The following HHLA1 variants were observed in gnomAD, a reference collection of about 807,000 sequenced individuals.
HHLA1 encodes HHLA1 neighbor of OC90.
HHLA1 carries 72 observed loss-of-function variants against 69.9 expected under a neutral mutation model. The ratio of observed to expected loss-of-function variants is 1.03; its 90% CI spans 0.85 to 1.25. HHLA1 has a LOEUF of 1.25. Among genes scored for constraint, HHLA1 ranks in the 50% most tolerant of loss-of-function variants. The pLI is 0.00. For missense variants in HHLA1, 685 were observed against 642.2 expected, an observed-to-expected ratio of 1.07 and a Z score of -0.72; for synonymous variants, 252 against 233.2, an observed-to-expected ratio of 1.08 and a Z score of -0.73.
At position 132,095,724 on chromosome 8, in the gene HHLA1, A is replaced by C. The variant is rs1462471197; in HGVS notation, c.343T>G (p.Phe115Val). ...TCACTGTTGTAAACAGCTACAGAAA[A>C]CTTGTGGAAGGCGAAGGAACTGTAG... ...TSYSSFAFHKFSVAVYNISNL... is the reference protein window; with the variant it reads ...TSYSSFAFHKVSVAVYNISNL... Residue 115 changes from phenylalanine (F) to valine (V), a missense_variant, in exon 6 of 17, where the codon TTT (phenylalanine) becomes GTT (valine). Transcript: ENST00000414222. 2.6e-6 allele frequency: 4 copies of C among 1,551,290 alleles called. No homozygotes were observed. Among genetic ancestry groups the C allele is most frequent in the Non-Finnish European group, 3.5e-6 (4 of 1,146,838 alleles).
rs1823363932 is a variant in HHLA1, at chr8:132,062,132, T to C, written c.*1863A>G. The C allele has an allele frequency of 6.6e-6, 1 of 152,180 alleles. No individual in the cohort carries two copies. The allele number at this position is 152,180 out of a possible 1,614,324, so 9.4% of individuals were successfully genotyped here. A position where few individuals can be genotyped will look rare whatever the true frequency, so the allele number is the denominator to read the frequency against. The stretch of plus-strand genomic sequence containing the variant: ...CCACGCAAGGGTTGAATCAAATTAA[T>C]CCATGCTTAATGAGTTTGCTTGGTT... On this transcript the variant is annotated 3_prime_UTR_variant, in exon 17 of 17. Transcript: ENST00000414222.
chr8:132,104,084 A>T, intron 3 of HHLA1, 24 bp downstream of exon 3: 2 of 1,533,744 alleles, frequency 1.3e-6, no homozygotes. Context: ...GTGAGCTGAA[A>T]AGGAGCCCTT....
rs549825140 is a variant in HHLA1, at chr8:132,073,803, C to T, written c.1315+2252G>A. 2.0e-5 allele frequency among the ~76,000 whole-genome samples: 3 copies of T among 152,278 alleles called. No individual in the cohort carries two copies. The East Asian group carries it at 5.8e-4, about 29-fold the overall frequency. ...GCATGATTTTTGGTTCCCTCCTGTG[C>T]TCACTCCATCATCACCGCATCCTCT... On this transcript the variant is annotated intron_variant, in intron 14 of 16. Coordinates refer to ENST00000414222, the MANE Select transcript of HHLA1 (RefSeq NM_001145095.3).
chr8:132,065,998 T>C, intron 15 of HHLA1, 30 bp from the exon 16 acceptor site: 2 of 1,048,988 alleles, frequency 1.9e-6, no homozygotes, highest in Non-Finnish European at 2.6e-6. Context: ...CAGGGAGCAA[T>C]AACTATCCTG....
Position 132,062,899 on chromosome 8 carries a change from TTCGTGCCATGACA to T in HHLA1, c.*1083_*1095del, listed in dbSNP as rs1047135855. The T allele has an allele frequency of 6.6e-6, 1 of 152,226 alleles. No individual in the cohort carries two copies. The highest frequency in any genetic ancestry group is 3.2e-3 in the Middle Eastern group (1 of 316). 9.4% of individuals were successfully genotyped at this position (152,226 alleles called of 1,614,324 possible). A position where few individuals can be genotyped will look rare whatever the true frequency, so the allele number is the denominator to read the frequency against. ...GATGAGTGTCTCTTGTACCTGGGGC[TTCGTGCCATGACA>T]GATAGTTTATGTTAACAATGTGATT... On this transcript the variant is annotated 3_prime_UTR_variant, in exon 17 of 17. Coordinates refer to ENST00000414222, the MANE Select transcript of HHLA1 (RefSeq NM_001145095.3).
rs768865368 is a variant in HHLA1 at position 132,076,019 on chromosome 8, C to T, written c.1315+36G>A. Reference sequence around the variant, plus strand: ...ACTACATGACCTTGTTCAAAATAAACACAAGCAATAGTAATGACTGGGCAC... The same window carrying T: ...ACTACATGACCTTGTTCAAAATAAATACAAGCAATAGTAATGACTGGGCAC... On this transcript the variant is annotated intron_variant, in intron 14 of 16. Transcript: ENST00000414222. The T allele has an allele frequency of 2.8e-6, 4 of 1,442,784 alleles. No homozygotes were observed. In the South Asian group the frequency reaches 4.9e-5, roughly 18 times the overall value. 89.4% of individuals were successfully genotyped at this position (1,442,784 alleles called of 1,614,324 possible).
At chr8:132,064,065 A>G in intron 16 of HHLA1, 27 bp from the exon 17 acceptor site, 3 of 1,234,380 alleles carry the variant, frequency 2.4e-6, no homozygotes, top group Non-Finnish European at 3.2e-6. Flanking sequence ...AGAAGAAGGA[A>G]CTCAAGGTAC....
At position 132,099,034 on chromosome 8, in the gene HHLA1, C is replaced by G. The variant is rs1586734630; in HGVS notation, c.200-72G>C. On this transcript the variant is annotated intron_variant, in intron 4 of 16. Transcript: ENST00000414222. ...AGAGAAAAAGTTTCTCATTTCCAAA[C>G]TTCAGGCAGATATTCAACTTCTTTG... 4 of 1,161,384 alleles carry G rather than the reference C, an allele frequency of 3.4e-6. No homozygotes were observed. In the East Asian group the frequency reaches 1.0e-4, roughly 30 times the overall value. 71.9% of individuals were successfully genotyped at this position (1,161,384 alleles called of 1,614,324 possible).
In HHLA1 at chr8:132,076,941, C is replaced by T. The variant is rs143247077; in HGVS notation, c.1172-398G>A. 2.9e-3 allele frequency among the ~76,000 whole-genome samples: 443 copies of T among 152,264 alleles called. 6 individuals carry two copies. Among genetic ancestry groups the T allele is most frequent in the Admixed American group, 0.023 (345 of 15,300 alleles). On this transcript the variant is annotated intron_variant, in intron 12 of 16. Transcript: ENST00000414222. Reference sequence around the variant, plus strand: ...ACACCTTGATCCATCCCACCCCCGACAAATTGCCTGTCATATTCATGACAG... The same window carrying T: ...ACACCTTGATCCATCCCACCCCCGATAAATTGCCTGTCATATTCATGACAG...
In HHLA1 at chr8:132,076,454, C is replaced by A. The variant is rs779145358; in HGVS notation, c.1240+21G>T. On this transcript the variant is annotated intron_variant, in intron 13 of 16. Coordinates refer to ENST00000414222, the MANE Select transcript of HHLA1 (RefSeq NM_001145095.3). ...CCCATCCCCCACCCCCAAACCCCCA[C>A]TTCCGTACTGAGTTTCTCACCTGTT... is the stretch of plus-strand genomic sequence containing the variant. 9.1e-5 allele frequency: 123 copies of A among 1,359,050 alleles called. No homozygotes were observed. In the Admixed American group the frequency reaches 2.4e-3, roughly 27 times the overall value. 84.2% of individuals were successfully genotyped at this position (1,359,050 alleles called of 1,614,324 possible).
intron 14 of HHLA1, 70 bp downstream of exon 14, chr8:132,075,985 C>T: frequency 4.3e-6 from 5 of 1,156,108 alleles, no homozygotes; most frequent in Non-Finnish European, 5.0e-6. Flanking sequence ...ACAAACCTCT[C>T]CTTATTCTAC....
intron 7 of HHLA1, among the ~76,000 whole-genome samples, chr8:132,091,020 CTCTG>C (rs1367234904): frequency 5.3e-5 from 8 of 152,168 alleles, no homozygotes; most frequent in Admixed American, 3.3e-4. Context: ...CGGCCTCCTT[CTCTG>C]TCTCTTTAGA....
At chr8:132,078,171 AACACACACACACACACACAC>A (rs34612835) in intron 11 of HHLA1, among the ~76,000 whole-genome samples, 200 bp from the exon 12 acceptor site, 1 of 144,394 alleles carries the variant, frequency 6.9e-6, no homozygotes, top group Non-Finnish European at 1.5e-5. Context: ...AGCACCAATA[AACACACACACACACACACAC>A]ACACACACAC....
chr8:132,087,082 A>T (rs1019824889), intron 10 of HHLA1, among the ~76,000 whole-genome samples: 1 of 152,242 alleles, frequency 6.6e-6, no homozygotes, highest in Admixed American at 6.5e-5. Flanking sequence ...CGTAGAAGAC[A>T]AAGACTGACT....
intron 14 of HHLA1, among the ~76,000 whole-genome samples, chr8:132,073,060 A>G (rs943470144): frequency 2.0e-5 from 3 of 152,176 alleles, no homozygotes; most frequent in Non-Finnish European, 4.4e-5. Flanking sequence ...AATATCTTTG[A>G]CATGTTGACA....
intron 15 of HHLA1, among the ~76,000 whole-genome samples, chr8:132,068,327 A>G (rs917389754): frequency 6.6e-6 from 1 of 152,176 alleles, no homozygotes; most frequent in Non-Finnish European, 1.5e-5. Context: ...TATGATCAGG[A>G]GAGAAACTAT....
intron 7 of HHLA1, among the ~76,000 whole-genome samples, 200 bp downstream of exon 7, chr8:132,095,319 A>G (rs1824005048): frequency 6.6e-6 from 1 of 152,216 alleles, no homozygotes; most frequent in Admixed American, 6.5e-5. Flanking sequence ...TTGCAATTAA[A>G]ACAATGCTTC....
In HHLA1 at chr8:132,089,559, G is replaced by C. The variant is rs1314931309; in HGVS notation, c.489C>G (p.Thr163=). The C allele has an allele frequency of 6.5e-7, 1 of 1,532,538 alleles. No homozygotes were observed. Among genetic ancestry groups the C allele is most frequent in the Admixed American group, 2.0e-5 (1 of 50,978 alleles). 94.9% of individuals were successfully genotyped at this position (1,532,538 alleles called of 1,614,324 possible). A position where few individuals can be genotyped will look rare whatever the true frequency, so the allele number is the denominator to read the frequency against. The change falls in exon 8 of 17, where the codon ACC becomes ACG. Residue 163 remains threonine, a synonymous_variant. Coordinates refer to ENST00000414222, the MANE Select transcript of HHLA1 (RefSeq NM_001145095.3). ...ALLVDIIGNS[T]SYLTEIFKST... is the part of the protein sequence containing the mutation. ...ACTTAAAAATCTCTGTGAGGTAGCT[G>C]GTAGAATTGCCGATGATATCTACCA...
intron 7 of HHLA1, among the ~76,000 whole-genome samples, chr8:132,090,561 T>G (rs893536987): frequency 6.6e-6 from 1 of 152,174 alleles, no homozygotes; most frequent in Non-Finnish European, 1.5e-5. Context: ...ATTAGTGGAA[T>G]GTGTAGCCAA....
Sources: allele counts gnomAD v4.1 joint callset (sites outside exome capture counted in the v4.1 genomes callset), GRCh38; gene constraint gnomAD v4.1.1; transcripts MANE v1.5; gene names NCBI Gene and HGNC (gene_info 2026-07-23, HGNC 2026-07-21).